Variants in THAP3 observed in about 807,000 individuals in gnomAD.
THAP3 encodes THAP domain containing 3, also known as THAP domain-containing protein 3.
Under a neutral mutation model 17.7 loss-of-function variants are expected in THAP3, and 12 were observed. The ratio of observed to expected loss-of-function variants is 0.68; its 90% CI spans 0.43 to 1.10. The LOEUF (loss-of-function observed/expected upper bound fraction) is 1.10. Among genes scored for constraint, THAP3 ranks in the 50% least tolerant of loss-of-function variants. THAP3 has a pLI of 0.00. For missense variants in THAP3, 289 were observed against 318.0 expected, an observed-to-expected ratio of 0.91 and a Z score of 0.69; for synonymous variants, 133 against 126.9, an observed-to-expected ratio of 1.05 and a Z score of -0.32.
chr1:6,629,924 AG>A (rs1641563118), intron 3 of THAP3, among the ~76,000 whole-genome samples: 1 of 152,172 alleles, frequency 6.6e-6, no homozygotes, highest in South Asian at 2.1e-4. Flanking sequence ...AGTGTGGCCC[AG>A]GGGCTGCAGG....
downstream of THAP3, chr1:6,634,619 CTT>C: frequency 7.3e-7 from 1 of 1,366,476 alleles, no homozygotes. Flanking sequence ...CCTCACGTAA[CTT>C]TACTGCAGCC....
In THAP3 at chr1:6,625,227, GT is replaced by G; in HGVS notation, c.10del (p.Ser4ArgfsTer31). On this transcript the variant is annotated frameshift_variant, in exon 2 of 6. Coordinates refer to ENST00000054650, the MANE Select transcript of THAP3 (RefSeq NM_001195753.2). LOFTEE classifies it high-confidence loss of function. ...GCCAGGCCTGGCTCGAGATGCCGAAGTCGTGCGCGGCCCGGCAGTGCTGCAA... is the reference window on the plus strand; with the variant it reads ...GCCAGGCCTGGCTCGAGATGCCGAAGCGTGCGCGGCCCGGCAGTGCTGCAA... MPKSCAARQCCNRY... is the reference protein window; with the variant it reads MPKXCAARQCCNRY... The G allele has an allele frequency of 6.5e-7, 1 of 1,543,380 alleles. No homozygotes were observed. The highest frequency in any genetic ancestry group is 8.7e-7 in the Non-Finnish European group (1 of 1,146,048).
Position 6,633,483 on chromosome 1 carries a change from G to T in THAP3, c.*406G>T. On this transcript the variant is annotated 3_prime_UTR_variant, in exon 6 of 6. Coordinates refer to ENST00000054650, the MANE Select transcript of THAP3 (RefSeq NM_001195753.2). ...AGTGGTCCCCTCCTCCATCAGCCTGGACAGCCGCTCGGGGTTCTAAGGAGT... is the reference window on the plus strand; with the variant it reads ...AGTGGTCCCCTCCTCCATCAGCCTGTACAGCCGCTCGGGGTTCTAAGGAGT... 1.8e-6 allele frequency: 2 copies of T among 1,131,828 alleles called. No individual in the cohort carries two copies. The highest frequency in any genetic ancestry group is 4.6e-5 in the South Asian group (2 of 43,498). 70.1% of individuals were successfully genotyped at this position (1,131,828 alleles called of 1,614,324 possible).
chr1:6,629,916 T>A lies in THAP3; in HGVS notation c.268-372T>A, dbSNP rs181426803. ...CTCTGCTTTGTGGGCCCCACCCCAG[T>A]GTGGCCCAGGGGCTGCAGGTTCTGG... On this transcript the variant is annotated intron_variant, in intron 3 of 5. Transcript: ENST00000054650. Among the ~76,000 whole-genome samples the A allele has an allele frequency of 3.9e-5, 6 of 152,254 alleles. No individual in the cohort carries two copies. In the East Asian group the frequency reaches 1.2e-3, roughly 29 times the overall value.
chr1:6,635,226 G>A (rs2148724798), downstream of THAP3: 1 of 172,198 alleles, frequency 5.8e-6, no homozygotes, highest in Admixed American at 5.4e-5. Context: ...GAGGCTCCCT[G>A]ACCGGGAGGC....
At chr1:6,635,529 C>T, downstream of THAP3, 1 of 886,726 alleles carries the variant, frequency 1.1e-6, no homozygotes, top group Non-Finnish European at 1.7e-6. Flanking sequence ...GTCTGCATGT[C>T]CCTTCACATA....
rs537728497 is a variant in THAP3 at position 6,628,231 on chromosome 1, G to A, written c.75-268G>A. On this transcript the variant is annotated intron_variant, in intron 2 of 5. Transcript: ENST00000054650. Reference sequence around the variant, plus strand: ...ATCCCTAGCACGAAGAACAGGGCCCGGCTCCTGGTAGGCTCCTGGCAAATG... The same window carrying A: ...ATCCCTAGCACGAAGAACAGGGCCCAGCTCCTGGTAGGCTCCTGGCAAATG... 3.8e-4 allele frequency: 165 copies of A among 432,728 alleles called. No homozygotes were observed. In the East Asian group the frequency reaches 6.5e-3, roughly 17 times the overall value. The allele number at this position is 432,728 out of a possible 1,614,324, so 26.8% of individuals were successfully genotyped here.
chr1:6,628,453 T>C (rs1246771845), intron 2 of THAP3, 46 bp from the exon 3 acceptor site: 1 of 1,530,978 alleles, frequency 6.5e-7, no homozygotes, highest in South Asian at 1.2e-5. Context: ...TCTGAGGCGC[T>C]GGGTCCAGCC....
At chr1:6,632,263 C>CT in intron 4 of THAP3, 128 bp from the exon 5 acceptor site, 1 of 1,265,854 alleles carries the variant, frequency 7.9e-7, no homozygotes, top group Non-Finnish European at 1.1e-6. Context: ...GAGAAGCTGG[C>CT]TGTGGAGGGG....
chr1:6,628,046 C>T, intron 2 of THAP3: 1 of 162,912 alleles, frequency 6.1e-6, no homozygotes, highest in Non-Finnish European at 1.4e-5. Flanking sequence ...AAACATCACC[C>T]CTTCAGCTGC....
Position 6,628,493 on chromosome 1 carries a change from C to A in THAP3, c.75-6C>A. 6.2e-7 allele frequency: 1 copy of A among 1,607,704 alleles called. No homozygotes were observed. Among genetic ancestry groups the A allele is most frequent in the East Asian group, 2.2e-5 (1 of 44,840 alleles). ...TGGGCCTCACACCCCGTGCCTCTGCCCTTAGGTTTCCGTTCAGCCGCCCGG... is the reference window on the plus strand; with the variant it reads ...TGGGCCTCACACCCCGTGCCTCTGCACTTAGGTTTCCGTTCAGCCGCCCGG... On this transcript the variant is annotated splice_region_variant and splice_polypyrimidine_tract_variant and intron_variant, in intron 2 of 5. Coordinates refer to ENST00000054650, the MANE Select transcript of THAP3 (RefSeq NM_001195753.2).
chr1:6,626,416 CAG>C (rs982808999), intron 2 of THAP3, among the ~76,000 whole-genome samples: 1 of 152,162 alleles, frequency 6.6e-6, no homozygotes, highest in Non-Finnish European at 1.5e-5. Context: ...TGCCCGCTAT[CAG>C]AGTGGATTGC....
At chr1:6,630,407 C>T in intron 4 of THAP3, 54 bp downstream of exon 4, 1 of 1,583,836 alleles carries the variant, frequency 6.3e-7, no homozygotes, top group South Asian at 1.1e-5. Flanking sequence ...TGGGTTGAGA[C>T]AGGGAGGTGG....
chr1:6,627,272 C>T (rs527714380), intron 2 of THAP3, among the ~76,000 whole-genome samples: 43 of 152,270 alleles, frequency 2.8e-4, no homozygotes, highest in Admixed American at 4.6e-4. Flanking sequence ...CAGGGTTGGC[C>T]GCCACACTGA....
downstream of THAP3, chr1:6,633,992 C>T (rs752665687): frequency 1.4e-5 from 23 of 1,604,726 alleles, no homozygotes; most frequent in South Asian, 2.3e-4. Flanking sequence ...AGCCTGATTT[C>T]CTAACTTGGG....
At chr1:6,631,789 C>G (rs1641621856) in intron 4 of THAP3, among the ~76,000 whole-genome samples, 1 of 152,096 alleles carries the variant, frequency 6.6e-6, no homozygotes, top group African/African-American at 2.4e-5. Flanking sequence ...CCCAGCTACT[C>G]TGGAGGAGAA....
At chr1:6,626,972 A>C (rs1641484742) in intron 2 of THAP3, among the ~76,000 whole-genome samples, 1 of 152,236 alleles carries the variant, frequency 6.6e-6, no homozygotes, top group Non-Finnish European at 1.5e-5. Context: ...TCTCTCTTGA[A>C]GTCGTTTCCT....
At chr1:6,632,625 C>A in intron 5 of THAP3, 130 bp downstream of exon 5, 1 of 1,460,092 alleles carries the variant, frequency 6.8e-7, no homozygotes, top group Non-Finnish European at 9.3e-7. Context: ...GGTTTCAGAG[C>A]TCCCCAGTCA....
Position 6,632,501 on chromosome 1 carries a change from A to T in THAP3, c.438+6A>T. 1 of 1,614,108 alleles carries T rather than the reference A, an allele frequency of 6.2e-7. No individual in the cohort carries two copies. The highest frequency in any genetic ancestry group is 8.5e-7 in the Non-Finnish European group (1 of 1,179,998). ...CCGAAGGCCACGTAAAACAGGTAAG[A>T]CTGAGTGCAAAGGTGGTCTGTGGTT... On this transcript the variant is annotated splice_donor_region_variant and intron_variant, in intron 5 of 5. Transcript: ENST00000054650.
Sources: allele counts gnomAD v4.1 joint callset (sites outside exome capture counted in the v4.1 genomes callset), GRCh38; gene constraint gnomAD v4.1.1; transcripts MANE v1.5; gene names NCBI Gene and HGNC (gene_info 2026-07-23, HGNC 2026-07-21).